KIF1A: variants seen among roughly 807,000 people sequenced by gnomAD.
The protein encoded by KIF1A is kinesin family member 1A.
KIF1A carries 46 observed loss-of-function variants against 227.3 expected under a neutral mutation model. That is an observed-to-expected ratio of 0.20 (90% CI 0.16 to 0.26). The LOEUF is 0.26. Ranked by LOEUF, KIF1A falls within the 10% of genes least tolerant of loss-of-function variation. The pLI is 1.00. For synonymous variants in KIF1A, 1,022 were observed against 1,012.8 expected, an observed-to-expected ratio of 1.01 and a Z score of -0.17; for missense variants, 1,683 against 2,485.9, an observed-to-expected ratio of 0.68 and a Z score of 6.87.
rs565093873 is a variant in KIF1A at position 240,775,652 on chromosome 2, C to T, written c.958+199G>A. ...GCTGTCCTGGTTCCCACACTCGCTT[C>T]GTTAACCCACTGCTGGCCGTTGCCC... On this transcript the variant is annotated intron_variant, in intron 11 of 48. Coordinates refer to ENST00000498729, the MANE Select transcript of KIF1A (RefSeq NM_001244008.2). This position sits in a 1 kb window ranked among gnomAD's most constrained non-coding sequence, Gnocchi z 5.5. Among the ~76,000 whole-genome samples the T allele has an allele frequency of 5.3e-5, 8 of 152,302 alleles. No individual in the cohort carries two copies. The highest frequency in any genetic ancestry group is 3.9e-4 in the Admixed American group (6 of 15,304).
chr2:240,788,009 C>A lies in KIF1A; in HGVS notation c.363+42G>T. On this transcript the variant is annotated intron_variant, in intron 4 of 48. Coordinates refer to ENST00000498729, the MANE Select transcript of KIF1A (RefSeq NM_001244008.2). This position sits in a 1 kb window ranked among gnomAD's most constrained non-coding sequence, Gnocchi z 6.6. Reference sequence around the variant, plus strand: ...AGCTCTCAGCCTCAGCTGGTCCCGCCCCATCTGCCAGGGCTGCCCCCGCCC... The same window carrying A: ...AGCTCTCAGCCTCAGCTGGTCCCGCACCATCTGCCAGGGCTGCCCCCGCCC... 1 of 1,530,978 alleles carries A rather than the reference C, an allele frequency of 6.5e-7. No individual in the cohort carries two copies. The highest frequency in any genetic ancestry group is 8.8e-7 in the Non-Finnish European group (1 of 1,132,086). The allele number at this position is 1,530,978 out of a possible 1,614,324, so 94.8% of individuals were successfully genotyped here. A position where few individuals can be genotyped will look rare whatever the true frequency, so the allele number is the denominator to read the frequency against.
chr2:240,721,774 C>A (rs530648341), intron 44 of KIF1A, 33 bp downstream of exon 44: 17 of 1,565,456 alleles, frequency 1.1e-5, no homozygotes, highest in East Asian at 9.0e-5. Flanking sequence ...CCGAGCCCTG[C>A]GGGGCAGCCT....
rs938897236 is a variant in KIF1A at position 240,782,583 on chromosome 2, C to G, written c.882+7G>C. On this transcript the variant is annotated splice_region_variant and intron_variant, in intron 10 of 48. Transcript: ENST00000498729. ...CACCTGCCCCGGGGCTGAAGGAAGC[C>G]GCTTACCTTGTTGGGTCCGGAGTCC... 1 of 1,552,332 alleles carries G rather than the reference C, an allele frequency of 6.4e-7. No individual in the cohort carries two copies. The highest frequency in any genetic ancestry group is 1.4e-5 in the African/African-American group (1 of 73,130).
chr2:240,769,481 G>A, intron 16 of KIF1A, 146 bp downstream of exon 16: 1 of 686,518 alleles, frequency 1.5e-6, no homozygotes, highest in South Asian at 1.9e-5. Flanking sequence ...GGCGATGAGG[G>A]AACAGGTTTG....
chr2:240,780,410 C>A (rs1217252546), intron 10 of KIF1A, among the ~76,000 whole-genome samples: 1 of 152,130 alleles, frequency 6.6e-6, no homozygotes, highest in Non-Finnish European at 1.5e-5. Context: ...AGCGATTCCC[C>A]ACACACTTCC....
At position 240,758,515 on chromosome 2, in the gene KIF1A, G is replaced by A. The variant is rs764676288; in HGVS notation, c.2445-18C>T. ...GACGCTGCCTGCAGGGACGGCAGGG[G>A]TCAATGTGGACCCAGGCCCAGCGCT... On this transcript the variant is annotated intron_variant, in intron 25 of 48. Transcript: ENST00000498729. This position sits in a 1 kb window ranked among gnomAD's most constrained non-coding sequence, Gnocchi z 5.2. The A allele has an allele frequency of 2.6e-6, 4 of 1,551,842 alleles. No individual in the cohort carries two copies. The highest frequency in any genetic ancestry group is 2.3e-5 in the East Asian group (1 of 42,966).
chr2:240,795,689 G>C (rs1012776238), intron 2 of KIF1A, among the ~76,000 whole-genome samples: 1 of 152,236 alleles, frequency 6.6e-6, no homozygotes, highest in African/African-American at 2.4e-5. Flanking sequence ...CGCCTACCCA[G>C]TGCCCCTGGA....
In KIF1A at chr2:240,766,862, A is replaced by G; in HGVS notation, c.1684+53T>C. The G allele has an allele frequency of 3.1e-6, 4 of 1,307,588 alleles. No individual in the cohort carries two copies. The highest frequency in any genetic ancestry group is 3.2e-6 in the Non-Finnish European group (3 of 925,006). The allele number at this position is 1,307,588 out of a possible 1,614,324, so 81.0% of individuals were successfully genotyped here. ...GAGAGGGTGACCTCATTCAGGCCTG[A>G]TCATCACGGCACAGGGGCATGGGTG... On this transcript the variant is annotated intron_variant, in intron 19 of 48. Coordinates refer to ENST00000498729, the MANE Select transcript of KIF1A (RefSeq NM_001244008.2). The surrounding 1 kb of genome is among the most constrained non-coding windows in gnomAD (Gnocchi z 5.0).
intron 2 of KIF1A, among the ~76,000 whole-genome samples, chr2:240,796,813 A>G (rs1446958169): frequency 1.3e-5 from 2 of 152,146 alleles, no homozygotes; most frequent in Non-Finnish European, 2.9e-5. Flanking sequence ...ACCCCCAGTG[A>G]CACCTGAATC....
At chr2:240,735,597 T>C (rs2047220112) in intron 38 of KIF1A, among the ~76,000 whole-genome samples, 2 of 152,180 alleles carry the variant, frequency 1.3e-5, no homozygotes, top group African/African-American at 4.8e-5. Context: ...ACATCTCACA[T>C]GGCAGACCCG....
chr2:240,746,004 C>T (rs769234388), intron 30 of KIF1A, 35 bp downstream of exon 30: 25 of 1,604,532 alleles, frequency 1.6e-5, no homozygotes, highest in African/African-American at 4.0e-5. Flanking sequence ...TCTCAGCATC[C>T]CCTACGCCCT....
chr2:240,728,460 T>C lies in KIF1A; in HGVS notation c.4008-1520A>G, dbSNP rs1037040785. The C allele has an allele frequency of 5.7e-6, 7 of 1,237,130 alleles. No individual in the cohort carries two copies. The African/African-American group carries it at 9.3e-5, about 16-fold the overall frequency. 76.6% of individuals were successfully genotyped at this position (1,237,130 alleles called of 1,614,324 possible). On this transcript the variant is annotated intron_variant, in intron 38 of 48. Transcript: ENST00000498729. The stretch of plus-strand genomic sequence containing the variant: ...CACACACGTACACATACAGAAGAAA[T>C]GGAGATGTCAGAACAAGCACCGGCA...
At chr2:240,784,629 C>T (rs1007184327) in intron 7 of KIF1A, among the ~76,000 whole-genome samples, 1 of 152,208 alleles carries the variant, frequency 6.6e-6, no homozygotes, top group African/African-American at 2.4e-5. Context: ...GGCTGAGGTG[C>T]CCCTGGGCCT....
intron 45 of KIF1A, among the ~76,000 whole-genome samples, chr2:240,720,450 C>A (rs186568506): frequency 1.3e-5 from 2 of 152,194 alleles, no homozygotes; most frequent in African/African-American, 4.8e-5. Context: ...AATCTGGAAC[C>A]CTTAAGGCGC....
rs1456935687 is a variant in KIF1A, at chr2:240,784,988, CCTT to C, written c.718_720del (p.Lys240del). 3 of 1,612,622 alleles carry C rather than the reference CCTT, an allele frequency of 1.9e-6. No homozygotes were observed. Among genetic ancestry groups the C allele is most frequent in the Non-Finnish European group, 2.5e-6 (3 of 1,179,120 alleles). ...CACCGCCTGTGAGGCCACTCACTCA[CCTT>C]CTCCGTGGTGATATTGGTCTCTGCG... On this transcript the variant is annotated inframe_deletion and splice_region_variant, in exon 7 of 49. Coordinates refer to ENST00000498729, the MANE Select transcript of KIF1A (RefSeq NM_001244008.2).
At chr2:240,809,959 C>T (rs887017402) in intron 1 of KIF1A, among the ~76,000 whole-genome samples, 1 of 151,630 alleles carries the variant, frequency 6.6e-6, no homozygotes, top group Non-Finnish European at 1.5e-5. Flanking sequence ...GCCATCACAC[C>T]TATTTTTATT....
chr2:240,768,368 C>T (rs1193876308), intron 17 of KIF1A, among the ~76,000 whole-genome samples: 1 of 152,232 alleles, frequency 6.6e-6, no homozygotes, highest in South Asian at 2.1e-4. Context: ...TACAGCTCTT[C>T]TCAGGCCCTT....
intron 14 of KIF1A, 22 bp from the exon 15 acceptor site, chr2:240,771,126 C>A (rs1330154524): frequency 1.2e-6 from 2 of 1,613,168 alleles, no homozygotes; most frequent in Non-Finnish European, 8.5e-7. Flanking sequence ...GGGTCAGGGG[C>A]TTCATTCACC....
chr2:240,731,749 C>T (rs2046628736), intron 38 of KIF1A, among the ~76,000 whole-genome samples: 1 of 152,182 alleles, frequency 6.6e-6, no homozygotes, highest in South Asian at 2.1e-4. Flanking sequence ...CCCACAGTCC[C>T]CCTCGCCCTG....
Sources: allele counts gnomAD v4.1 joint callset (sites outside exome capture counted in the v4.1 genomes callset), GRCh38; gene constraint gnomAD v4.1.1; non-coding constraint Gnocchi (gnomAD v3.1); transcripts MANE v1.5; gene names NCBI Gene and HGNC (gene_info 2026-07-23, HGNC 2026-07-21).